TMEM219: variants seen among roughly 807,000 people sequenced by gnomAD.
TMEM219 encodes insulin-like growth factor-binding protein 3 receptor.
TMEM219 carries 18 observed loss-of-function variants against 17.9 expected under a neutral mutation model. The observed-to-expected ratio is 1.01, with a 90% CI of 0.70 to 1.49. The LOEUF is 1.49. Ranked by LOEUF, TMEM219 falls within the 40% of genes most tolerant of loss-of-function variation. The probability of loss-of-function intolerance (pLI) is 0.00; values close to 1 mark genes in which losing one functional copy is unlikely to be tolerated. For synonymous variants in TMEM219, 113 were observed against 124.0 expected, an observed-to-expected ratio of 0.91 and a Z score of 0.59; for missense variants, 288 against 292.4, an observed-to-expected ratio of 0.99 and a Z score of 0.11.
At chr16:29,971,125 A>G (rs1240947146) in intron 4 of TMEM219, among the ~76,000 whole-genome samples, 2 of 149,200 alleles carry the variant, frequency 1.3e-5, no homozygotes, top group African/African-American at 2.5e-5. Flanking sequence ...GGGCACCTGT[A>G]GTCCCAGCTA....
Position 29,971,522 on chromosome 16 carries a change from C to T in TMEM219, c.700C>T (p.His234Tyr). Residue 234 changes from histidine to tyrosine, a missense_variant, in exon 5 of 6, where the codon CAC becomes TAC. By Grantham distance (83) the His-to-Tyr change is moderately conservative. Transcript: ENST00000279396. ...GTGCTTCCACCCGCGCCGGGAGTCCCACTGGTCTAGAACCCGGCTCTGAGG... is the reference window on the plus strand; with the variant it reads ...GTGCTTCCACCCGCGCCGGGAGTCCTACTGGTCTAGAACCCGGCTCTGAGG... The part of the protein sequence containing the change: ...AMCFHPRRES[H>Y]WSRTRL 1 of 1,613,740 alleles carries T rather than the reference C, an allele frequency of 6.2e-7. No individual in the cohort carries two copies. The highest frequency in any genetic ancestry group is 8.5e-7 in the Non-Finnish European group (1 of 1,179,958).
At chr16:29,964,481 T>TCAAA (rs758066138) in intron 3 of TMEM219, among the ~76,000 whole-genome samples, 16 of 150,316 alleles carry the variant, frequency 1.1e-4, no homozygotes, top group East Asian at 2.0e-4. Flanking sequence ...AGACTCCGTC[T>TCAAA]CAAACAAACA....
Position 29,963,601 on chromosome 16 carries a change from G to T in TMEM219, c.355+12G>T. On this transcript the variant is annotated intron_variant, in intron 3 of 5. Coordinates refer to ENST00000279396, the MANE Select transcript of TMEM219 (RefSeq NM_001083613.2). ...GATGGGATTGAAAGGTGAGATCAGA[G>T]GCTGGGTGTGGTGGCTCACGCCTGT... 1.2e-6 allele frequency: 2 copies of T among 1,610,638 alleles called. No homozygotes were observed. Among genetic ancestry groups the T allele is most frequent in the Non-Finnish European group, 1.7e-6 (2 of 1,177,980 alleles).
At chr16:29,967,363 T>C (rs2069224449) in intron 3 of TMEM219, among the ~76,000 whole-genome samples, 1 of 152,128 alleles carries the variant, frequency 6.6e-6, no homozygotes, top group African/African-American at 2.4e-5. Flanking sequence ...AATCCCAACA[T>C]TTTGGGAGGT....
intron 4 of TMEM219, among the ~76,000 whole-genome samples, chr16:29,970,782 AAC>A (rs1461579119): frequency 2.0e-5 from 3 of 152,110 alleles, no homozygotes; most frequent in Non-Finnish European, 2.9e-5. Flanking sequence ...TCTACAAAAA[AAC>A]ACACAAAAAA....
At chr16:29,964,419 G>C (rs964405043) in intron 3 of TMEM219, among the ~76,000 whole-genome samples, 4 of 152,074 alleles carry the variant, frequency 2.6e-5, no homozygotes, top group African/African-American at 9.7e-5. Context: ...GGAGGTGGAG[G>C]TTGCAGTGAG....
At chr16:29,970,320 GC>G (rs1255071293) in intron 4 of TMEM219, among the ~76,000 whole-genome samples, 1 of 150,304 alleles carries the variant, frequency 6.7e-6, no homozygotes, top group African/African-American at 2.4e-5. Flanking sequence ...AGCACTGCTT[GC>G]ACTTTTTTTT....
At chr16:29,963,742 G>A (rs2069177771) in intron 3 of TMEM219, among the ~76,000 whole-genome samples, 153 bp downstream of exon 3, 2 of 151,766 alleles carry the variant, frequency 1.3e-5, no homozygotes, top group South Asian at 4.2e-4. Context: ...AATTAGCCAG[G>A]CATGGTGGCA....
chr16:29,963,669 G>C, intron 3 of TMEM219, 80 bp downstream of exon 3: 17 of 1,353,980 alleles, frequency 1.3e-5, no homozygotes, highest in Non-Finnish European at 1.7e-5. Context: ...GATCATTTGA[G>C]GTCAGGAGTT....
At chr16:29,970,960 A>G (rs2069277920) in intron 4 of TMEM219, among the ~76,000 whole-genome samples, 1 of 151,402 alleles carries the variant, frequency 6.6e-6, no homozygotes, top group South Asian at 2.1e-4. Flanking sequence ...AAAAAAAAAA[A>G]AAAGGGCCAG....
intron 3 of TMEM219, 73 bp downstream of exon 3, chr16:29,963,662 C>A (rs1380034384): frequency 4.3e-6 from 6 of 1,398,964 alleles, no homozygotes; most frequent in Non-Finnish European, 5.8e-6. Flanking sequence ...GTAGGTGGAT[C>A]ATTTGAGGTC....
rs774456524 is a variant in TMEM219, at chr16:29,963,608, T to TGTG, written c.355+24_355+26dup. On this transcript the variant is annotated intron_variant, in intron 3 of 5. Transcript: ENST00000279396. ...TTGAAAGGTGAGATCAGAGGCTGGG[T>TGTG]GTGGTGGCTCACGCCTGTAATCCCA... 1.9e-6 allele frequency: 3 copies of TGTG among 1,608,406 alleles called. No individual in the cohort carries two copies. Among genetic ancestry groups the TGTG allele is most frequent in the East Asian group, 4.5e-5 (2 of 44,784 alleles).
intron 3 of TMEM219, 133 bp from the exon 4 acceptor site, chr16:29,967,892 A>C (rs1265217691): frequency 4.0e-5 from 27 of 669,304 alleles, no homozygotes; most frequent in East Asian, 2.5e-4. Flanking sequence ...GCGCCACTGC[A>C]CTCCAGCCTG....
At position 29,967,721 on chromosome 16, in the gene TMEM219, A is replaced by T. The variant is rs1481561880; in HGVS notation, c.356-304A>T. Among the ~76,000 whole-genome samples, 36 of 152,078 alleles carry T rather than the reference A, an allele frequency of 2.4e-4. 1 individual carries two copies. The highest frequency in any genetic ancestry group is 2.4e-3 in the Admixed American group (36 of 15,270). Reference sequence around the variant, plus strand: ...GGCGGGCGGATCACGAGGTCAGGAGATCAAGACCATCCTGGCTACCACAGT... The same window carrying T: ...GGCGGGCGGATCACGAGGTCAGGAGTTCAAGACCATCCTGGCTACCACAGT... On this transcript the variant is annotated intron_variant, in intron 3 of 5. Coordinates refer to ENST00000279396, the MANE Select transcript of TMEM219 (RefSeq NM_001083613.2).
At chr16:29,968,459 C>G in intron 4 of TMEM219, 1 of 540,012 alleles carries the variant, frequency 1.9e-6, no homozygotes, top group East Asian at 2.9e-5. Context: ...GACCCTATCT[C>G]TTAATTCCAT....
At chr16:29,969,934 C>T (rs1429941641) in intron 4 of TMEM219, among the ~76,000 whole-genome samples, 1 of 152,086 alleles carries the variant, frequency 6.6e-6, no homozygotes, top group African/African-American at 2.4e-5. Flanking sequence ...CTGCTGCACA[C>T]TCCACTCTCA....
At chr16:29,967,259 G>A (rs1268649924) in intron 3 of TMEM219, among the ~76,000 whole-genome samples, 2 of 151,994 alleles carry the variant, frequency 1.3e-5, no homozygotes, top group Non-Finnish European at 2.9e-5. Context: ...ATGGTATATG[G>A]AATACTTTAT....
chr16:29,966,521 T>C (rs2069214441), intron 3 of TMEM219, among the ~76,000 whole-genome samples: 1 of 152,124 alleles, frequency 6.6e-6, no homozygotes, highest in African/African-American at 2.4e-5. Context: ...ATTTTAAAAT[T>C]AGAAAATATT....
rs1026504812 is a variant in TMEM219, at chr16:29,963,266, C to G, written c.123C>G (p.Leu41=). ...CTGGCCTGGGCCTTGGCAGCTTCCTCCTCACCCACAGGACTGGCCTGCGCA... is the reference window on the plus strand; with the variant it reads ...CTGGCCTGGGCCTTGGCAGCTTCCTGCTCACCCACAGGACTGGCCTGCGCA... ...GLSGLGLGSF[L]LTHRTGLRSP... The change falls in exon 2 of 6, where the codon CTC becomes CTG. Residue 41 remains leucine (L), a synonymous_variant. Coordinates refer to ENST00000279396, the MANE Select transcript of TMEM219 (RefSeq NM_001083613.2). The G allele has an allele frequency of 1.2e-6, 2 of 1,614,050 alleles. No homozygotes were observed. The highest frequency in any genetic ancestry group is 3.3e-5 in the Admixed American group (2 of 60,016).
Sources: allele counts gnomAD v4.1 joint callset (sites outside exome capture counted in the v4.1 genomes callset), GRCh38; gene constraint gnomAD v4.1.1; transcripts MANE v1.5; gene names NCBI Gene and HGNC (gene_info 2026-07-23, HGNC 2026-07-21).